Variants in GALNT13 observed in about 807,000 individuals in gnomAD.
GALNT13 encodes UDP-GalNAc:polypeptide N-acetylgalactosaminyltransferase 13.
Under a neutral mutation model 64.2 loss-of-function variants are expected in GALNT13, and 28 were observed. The ratio of observed to expected loss-of-function variants is 0.44; its 90% CI spans 0.32 to 0.60. The LOEUF (loss-of-function observed/expected upper bound fraction) is 0.60. Among genes scored for constraint, GALNT13 ranks in the 20% least tolerant of loss-of-function variants. The pLI is 0.05. For synonymous variants in GALNT13, 214 were observed against 224.6 expected (o/e 0.95, Z 0.42); for missense variants, 577 against 669.8 (o/e 0.86, Z 1.53).
chr2:153,343,168 A>G, the GALNT13 span, among the ~76,000 whole-genome samples: 1 of 152,180 alleles, frequency 6.6e-6, no homozygotes, highest in East Asian at 1.9e-4. Context: ...CTGGTGCACC[A>G]TAACTATGAT....
At chr2:153,950,179 CG>C (rs1692071255) in intron 3 of GALNT13, among the ~76,000 whole-genome samples, 1 of 151,558 alleles carries the variant, frequency 6.6e-6, no homozygotes, top group South Asian at 2.1e-4. Flanking sequence ...ATAAAGCAAA[CG>C]CAACTGACCA....
the GALNT13 span, among the ~76,000 whole-genome samples, chr2:153,561,174 T>G: frequency 8.8e-6 from 1 of 113,186 alleles, no homozygotes; most frequent in African/African-American, 4.0e-5. Context: ...AGACTTTTAT[T>G]GATTTTTTTT....
intron 4 of GALNT13, among the ~76,000 whole-genome samples, chr2:154,214,116 T>C (rs769121245): frequency 1.2e-4 from 18 of 152,228 alleles, no homozygotes; most frequent in Non-Finnish European, 2.5e-4. Context: ...ATTGATAAAT[T>C]TCACTTGTGA....
the GALNT13 span, among the ~76,000 whole-genome samples, chr2:153,255,946 T>C: frequency 6.6e-6 from 1 of 152,192 alleles, no homozygotes; most frequent in Admixed American, 6.5e-5. Flanking sequence ...TTATGTGTCT[T>C]GGAGTTGCTC....
chr2:154,283,700 C>T (rs991823688), intron 8 of GALNT13, among the ~76,000 whole-genome samples: 1 of 151,896 alleles, frequency 6.6e-6, no homozygotes, highest in African/African-American at 2.4e-5. Context: ...CACATACACA[C>T]ATCTATATGT....
chr2:154,260,523 A>T (rs903661578), intron 8 of GALNT13, among the ~76,000 whole-genome samples: 3 of 152,182 alleles, frequency 2.0e-5, no homozygotes, highest in African/African-American at 7.2e-5. Context: ...ACCTTAGTTA[A>T]TGGAATTTTA....
intron 1 of GALNT13, among the ~76,000 whole-genome samples, chr2:153,896,255 C>T (rs1205848490): frequency 1.3e-5 from 2 of 150,170 alleles, no homozygotes; most frequent in Non-Finnish European, 1.5e-5. Flanking sequence ...TATTATTTAA[C>T]TTTACATTGC....
chr2:153,244,698 C>G, the GALNT13 span, among the ~76,000 whole-genome samples: 1 of 152,204 alleles, frequency 6.6e-6, no homozygotes, highest in Non-Finnish European at 1.5e-5. Flanking sequence ...AGCTTGGTGC[C>G]TGCCCAAACA....
chr2:153,356,784 TTCCTC>T, the GALNT13 span, among the ~76,000 whole-genome samples: 1 of 125,852 alleles, frequency 7.9e-6, no homozygotes. Flanking sequence ...AATTTTCTTC[TTCCTC>T]TTTTTTTTTT....
chr2:154,027,629 A>G (rs1472232819), intron 3 of GALNT13, among the ~76,000 whole-genome samples: 1 of 152,198 alleles, frequency 6.6e-6, no homozygotes, highest in Non-Finnish European at 1.5e-5. Flanking sequence ...GGAGAAATAA[A>G]AAATAAGTTA....
chr2:153,228,023 G>A, the GALNT13 span, among the ~76,000 whole-genome samples: 1 of 152,220 alleles, frequency 6.6e-6, no homozygotes, highest in African/African-American at 2.4e-5. Flanking sequence ...ATCTGGATAT[G>A]GATTGGTATA....
At chr2:153,256,056 G>T in the GALNT13 span, among the ~76,000 whole-genome samples, 14 of 152,124 alleles carry the variant, frequency 9.2e-5, no homozygotes, top group African/African-American at 3.1e-4. Flanking sequence ...ATATCCTGCA[G>T]AGTGTTTTCC....
At chr2:154,111,117 G>C (rs1000786465) in intron 3 of GALNT13, among the ~76,000 whole-genome samples, 1 of 152,166 alleles carries the variant, frequency 6.6e-6, no homozygotes, top group Non-Finnish European at 1.5e-5. Context: ...TTCTTCAGCT[G>C]GTCATGTGTT....
chr2:154,338,481 A>G (rs944932353), intron 9 of GALNT13, among the ~76,000 whole-genome samples: 4 of 152,120 alleles, frequency 2.6e-5, no homozygotes, highest in African/African-American at 9.7e-5. Flanking sequence ...ATAGGCAGAC[A>G]TGGAAATTAC....
chr2:153,677,189 C>G, the GALNT13 span, among the ~76,000 whole-genome samples: 3 of 151,636 alleles, frequency 2.0e-5, no homozygotes, highest in Admixed American at 6.6e-5. Context: ...TTTCAGGTTA[C>G]AAAATCAATG....
At chr2:153,364,982 C>T in the GALNT13 span, among the ~76,000 whole-genome samples, 1 of 152,156 alleles carries the variant, frequency 6.6e-6, no homozygotes, top group Non-Finnish European at 1.5e-5. Flanking sequence ...TGCTATCTGA[C>T]TTCAAACTAC....
chr2:153,583,656 TGACTATGA>T, the GALNT13 span, among the ~76,000 whole-genome samples: 1 of 151,928 alleles, frequency 6.6e-6, no homozygotes, highest in African/African-American at 2.4e-5. Flanking sequence ...ACTTAGGGAG[TGACTATGA>T]GACTGTGAGA....
intron 8 of GALNT13, chr2:154,286,952 C>G (rs1273562219): frequency 7.4e-6 from 4 of 536,970 alleles, no homozygotes; most frequent in Non-Finnish European, 1.4e-5. Context: ...GTGCTGCCAT[C>G]CATCACTACC....
At chr2:153,947,843 T>C (rs1014178170) in intron 3 of GALNT13, among the ~76,000 whole-genome samples, 2 of 152,090 alleles carry the variant, frequency 1.3e-5, no homozygotes, top group Admixed American at 6.6e-5. Context: ...TAATCCATCT[T>C]GAGTTAATTT....
Sources: allele counts gnomAD v4.1 joint callset (sites outside exome capture counted in the v4.1 genomes callset), GRCh38; gene constraint gnomAD v4.1.1; transcripts MANE v1.5; gene names NCBI Gene and HGNC (gene_info 2026-07-23, HGNC 2026-07-21).